Variants in FAM13B observed in about 807,000 individuals in gnomAD.
The protein encoded by FAM13B is family with sequence similarity 13 member B, also known as protein FAM13B.
In FAM13B, 60 loss-of-function variants were observed where a neutral mutation model predicts 117.3. That is an observed-to-expected ratio of 0.51 (90% CI 0.42 to 0.63). FAM13B has a LOEUF of 0.63. Among genes scored for constraint, FAM13B ranks in the 30% least tolerant of loss-of-function variants. The pLI, the probability that FAM13B is intolerant of heterozygous loss-of-function variation, is 0.00. For missense variants in FAM13B, 972 were observed against 1,091.9 expected, an observed-to-expected ratio of 0.89 and a Z score of 1.55; for synonymous variants, 332 against 356.1, an observed-to-expected ratio of 0.93 and a Z score of 0.76.
At chr5:138,004,304 C>CAATGAACCCTTCTAA (rs61387347) in intron 7 of FAM13B, among the ~76,000 whole-genome samples, 1 of 151,734 alleles carries the variant, frequency 6.6e-6, no homozygotes, top group South Asian at 2.1e-4. Flanking sequence ...ACTAAATCTC[C>CAATGAACCCTTCTAA]AATGACTGTG....
Position 137,952,829 on chromosome 5 carries a change from A to C in FAM13B, c.1849-120T>G, listed in dbSNP as rs1765421500. 4.8e-6 allele frequency: 3 copies of C among 620,068 alleles called. No homozygotes were observed. In the East Asian group the frequency reaches 8.2e-5, roughly 17 times the overall value. 38.4% of individuals were successfully genotyped at this position (620,068 alleles called of 1,614,324 possible). A position where few individuals can be genotyped will look rare whatever the true frequency, so the allele number is the denominator to read the frequency against. On this transcript the variant is annotated intron_variant, in intron 16 of 23. Coordinates refer to ENST00000689681, the MANE Select transcript of FAM13B (RefSeq NM_001385994.1). ...GACTGCTCAATTCTCATTTCATCTT[A>C]TTTTAATTAGATAGGGCAGGATATT...
At chr5:137,973,366 C>T (rs1356358690) in intron 10 of FAM13B, among the ~76,000 whole-genome samples, 3 of 151,550 alleles carry the variant, frequency 2.0e-5, no homozygotes, top group Non-Finnish European at 4.4e-5. Flanking sequence ...GGAAAGGATT[C>T]CCTATTTAAT....
upstream of FAM13B, chr5:138,033,845 T>A (rs1301506979): frequency 6.6e-6 from 1 of 152,184 alleles, no homozygotes; most frequent in Non-Finnish European, 1.5e-5. Context: ...CCATTTGGAC[T>A]CCTTGACAGC....
intron 1 of FAM13B, among the ~76,000 whole-genome samples, chr5:138,028,824 G>C (rs1250697813): frequency 1.3e-5 from 2 of 152,212 alleles, no homozygotes; most frequent in East Asian, 1.9e-4. Context: ...TTTGAGACCA[G>C]CGTGGCCAAC....
At chr5:138,043,316 T>C (rs1791550264) in intron 1 of FAM13B, among the ~76,000 whole-genome samples, 2 of 152,088 alleles carry the variant, frequency 1.3e-5, no homozygotes, top group Admixed American at 6.5e-5. Context: ...TGATCCATGA[T>C]TGTGCCACTG....
chr5:137,948,270 T>C (rs188118466), intron 18 of FAM13B, among the ~76,000 whole-genome samples: 8 of 152,206 alleles, frequency 5.3e-5, no homozygotes, highest in Admixed American at 5.2e-4. Flanking sequence ...TATAGGATTG[T>C]TGAAGGGGCT....
rs78944177 is a variant in FAM13B, at chr5:138,019,247, A to G, written c.-35-101T>C. On this transcript the variant is annotated intron_variant, in intron 2 of 23. Transcript: ENST00000689681. The stretch of plus-strand genomic sequence containing the variant: ...ATGCTTTACACCTGAATGTGTTCTC[A>G]TCTATTTAAATGTTCCAGTTAGCAG... 3.5e-3 allele frequency: 3,544 copies of G among 1,000,188 alleles called. 66 individuals carry two copies. The African/African-American group carries it at 0.046, about 13-fold the overall frequency. 62.0% of individuals were successfully genotyped at this position (1,000,188 alleles called of 1,614,324 possible).
chr5:138,005,198 T>C (rs898769448), intron 7 of FAM13B, among the ~76,000 whole-genome samples: 9 of 152,210 alleles, frequency 5.9e-5, no homozygotes, highest in Non-Finnish European at 1.2e-4. Context: ...GATTGTGCCA[T>C]TGCACTCCTG....
At chr5:138,048,117 A>G (rs903091511) in intron 1 of FAM13B, among the ~76,000 whole-genome samples, 1 of 152,224 alleles carries the variant, frequency 6.6e-6, no homozygotes, top group Non-Finnish European at 1.5e-5. Context: ...AAAACTCTAG[A>G]GCAGTTTTAG....
intron 1 of FAM13B, 46 bp from the exon 2 acceptor site, chr5:138,021,243 T>C: frequency 8.3e-7 from 1 of 1,204,482 alleles, no homozygotes; most frequent in East Asian, 3.2e-5. Flanking sequence ...TCTTTAACTG[T>C]CAGAAGAGAC....
In FAM13B at chr5:138,018,339, A is replaced by T; in HGVS notation, c.333T>A (p.Pro111=). The T allele has an allele frequency of 1.2e-6, 2 of 1,614,170 alleles. No individual in the cohort carries two copies. The highest frequency in any genetic ancestry group is 1.7e-6 in the Non-Finnish European group (2 of 1,179,996). Residue 111 remains proline, a synonymous_variant, in exon 4 of 24, where the codon CCT becomes CCA. Coordinates refer to ENST00000689681, the MANE Select transcript of FAM13B (RefSeq NM_001385994.1). ...FLQELPEPVI[P]GSLHIHLMQL... ...GCATCAAGTGAATATGTAAACTGCC[A>T]GGGATAACAGGTTCAGGAAGTTCTT...
chr5:138,036,918 A>T (rs1247027056), upstream of FAM13B: 1 of 322,812 alleles, frequency 3.1e-6, no homozygotes, highest in Non-Finnish European at 6.0e-6. Context: ...GATTGTCACC[A>T]CTGGAGAGGT....
intron 1 of FAM13B, among the ~76,000 whole-genome samples, chr5:138,024,332 T>G (rs944742262): frequency 3.3e-5 from 5 of 151,766 alleles, no homozygotes. Flanking sequence ...AAGAAGAGCA[T>G]GTGAAGACAG....
intron 1 of FAM13B, among the ~76,000 whole-genome samples, chr5:138,042,713 G>T (rs983210615): frequency 6.6e-6 from 1 of 151,510 alleles, no homozygotes; most frequent in African/African-American, 2.4e-5. Context: ...GGAACGAGGG[G>T]CAAGAGTTCG....
chr5:138,046,164 T>C (rs1163095003), intron 1 of FAM13B, among the ~76,000 whole-genome samples: 2 of 152,158 alleles, frequency 1.3e-5, no homozygotes, highest in African/African-American at 4.8e-5. Context: ...CTCTCTTTGC[T>C]TGCTGCCATC....
intron 7 of FAM13B, among the ~76,000 whole-genome samples, chr5:137,992,908 A>C (rs6873468): frequency 0.23 from 34,930 of 152,108 alleles, 4,227 homozygotes; most frequent in African/African-American, 0.28. Flanking sequence ...AACGTATATA[A>C]TACTACTATT....
intron 1 of FAM13B, among the ~76,000 whole-genome samples, chr5:138,043,889 A>G (rs746486460): frequency 2.6e-5 from 4 of 151,244 alleles, no homozygotes; most frequent in Non-Finnish European, 5.9e-5. Flanking sequence ...GACATTTTCT[A>G]TATGAATATT....
At chr5:137,966,246 G>A (rs1365250411) in intron 10 of FAM13B, among the ~76,000 whole-genome samples, 1 of 151,574 alleles carries the variant, frequency 6.6e-6, no homozygotes, top group Non-Finnish European at 1.5e-5. Context: ...AGACCAGCCT[G>A]GCCAATATGG....
intron 1 of FAM13B, chr5:138,038,725 A>G (rs1056794795): frequency 1.3e-5 from 2 of 152,220 alleles, no homozygotes; most frequent in African/African-American, 4.8e-5. Flanking sequence ...CAGGGTGTAC[A>G]AATCCCACGC....
Sources: allele counts gnomAD v4.1 joint callset (sites outside exome capture counted in the v4.1 genomes callset), GRCh38; gene constraint gnomAD v4.1.1; transcripts MANE v1.5; gene names NCBI Gene and HGNC (gene_info 2026-07-23, HGNC 2026-07-21).